Variants in PRR16 observed in about 807,000 individuals in gnomAD.
The protein encoded by PRR16 is protein Largen.
PRR16 carries 6 observed loss-of-function variants against 18.2 expected under a neutral mutation model. That is an observed-to-expected ratio of 0.33 (90% CI 0.18 to 0.65). The LOEUF is 0.65. PRR16 is among the 30% of genes least tolerant of loss of function. The pLI is 0.74. For synonymous variants in PRR16, 151 were observed against 147.8 expected (o/e 1.02, Z -0.16); for missense variants, 412 against 376.6 (o/e 1.09, Z -0.78).
At chr5:120,709,824 T>C in the PRR16 span, among the ~76,000 whole-genome samples, 1 of 152,238 alleles carries the variant, frequency 6.6e-6, no homozygotes, top group African/African-American at 2.4e-5. Context: ...TTTCATTTTT[T>C]ATTGCTCAAT....
the PRR16 span, among the ~76,000 whole-genome samples, chr5:120,738,861 G>T: frequency 5.3e-5 from 8 of 152,128 alleles, no homozygotes; most frequent in African/African-American, 1.9e-4. Flanking sequence ...CACCTAATGA[G>T]ACAAACCAAG....
At chr5:120,681,428 A>C (rs1393544203) in intron 1 of PRR16, among the ~76,000 whole-genome samples, 6 of 152,170 alleles carry the variant, frequency 3.9e-5, no homozygotes, top group African/African-American at 1.4e-4. Flanking sequence ...TAAATAGTTT[A>C]ATTCTGATTG....
chr5:120,755,204 A>T, the PRR16 span, among the ~76,000 whole-genome samples: 15 of 150,792 alleles, frequency 9.9e-5, no homozygotes, highest in East Asian at 3.9e-4. Context: ...AATAAAATTT[A>T]AAAAAAATCT....
chr5:120,598,754 C>T (rs889648897), intron 1 of PRR16, among the ~76,000 whole-genome samples: 1 of 151,942 alleles, frequency 6.6e-6, no homozygotes, highest in South Asian at 2.1e-4. Context: ...CTGCAAAAGA[C>T]ATGATTTCAA....
chr5:120,712,825 AGT>A, the PRR16 span, among the ~76,000 whole-genome samples: 1 of 152,052 alleles, frequency 6.6e-6, no homozygotes, highest in Non-Finnish European at 1.5e-5. Context: ...ATTGATAATA[AGT>A]GTTGGCAAGA....
intron 1 of PRR16, among the ~76,000 whole-genome samples, chr5:120,541,652 A>G (rs1037453523): frequency 1.3e-5 from 2 of 152,222 alleles, no homozygotes; most frequent in Non-Finnish European, 2.9e-5. Context: ...ATTTAAAAAT[A>G]TATCTGTTTC....
At chr5:120,698,666 T>C in the PRR16 span, among the ~76,000 whole-genome samples, 1 of 152,060 alleles carries the variant, frequency 6.6e-6, no homozygotes, top group African/African-American at 2.4e-5. Flanking sequence ...GGAGCGTCTA[T>C]ACAGGAACTT....
At chr5:120,606,018 A>G (rs1171373601) in intron 1 of PRR16, among the ~76,000 whole-genome samples, 1 of 151,938 alleles carries the variant, frequency 6.6e-6, no homozygotes, top group East Asian at 1.9e-4. Flanking sequence ...GGCAGGGGGG[A>G]TGCAGGTGAG....
intron 1 of PRR16, among the ~76,000 whole-genome samples, chr5:120,514,013 C>A (rs939844534): frequency 1.3e-5 from 2 of 152,128 alleles, no homozygotes; most frequent in African/African-American, 4.8e-5. Context: ...CCACCTCGGC[C>A]TCCCAAAGTG....
chr5:120,748,859 C>T, the PRR16 span, among the ~76,000 whole-genome samples: 15,748 of 151,968 alleles, frequency 0.1, 1,031 homozygotes, highest in African/African-American at 0.18. Context: ...AATCTAGAAA[C>T]GTCAGAATGA....
At chr5:120,581,830 G>A (rs1753281935) in intron 1 of PRR16, among the ~76,000 whole-genome samples, 1 of 152,110 alleles carries the variant, frequency 6.6e-6, no homozygotes, top group African/African-American at 2.4e-5. Flanking sequence ...GTGGTTTTGA[G>A]TGGGTTTCTT....
intron 1 of PRR16, among the ~76,000 whole-genome samples, chr5:120,671,294 C>A (rs984153130): frequency 6.6e-6 from 1 of 151,706 alleles, no homozygotes; most frequent in Admixed American, 6.6e-5. Context: ...TTTTTTCTTT[C>A]TTTTAAAAAA....
At chr5:120,651,676 C>T (rs1755795305) in intron 1 of PRR16, among the ~76,000 whole-genome samples, 1 of 152,042 alleles carries the variant, frequency 6.6e-6, no homozygotes, top group South Asian at 2.1e-4. Flanking sequence ...CTGTTCTGTT[C>T]CATTGGTCTA....
chr5:120,657,416 G>T (rs1330721677), intron 1 of PRR16, among the ~76,000 whole-genome samples: 4 of 151,940 alleles, frequency 2.6e-5, no homozygotes, highest in African/African-American at 9.7e-5. Context: ...TCCATGTTCA[G>T]TGACCTCATG....
chr5:120,704,117 G>T, the PRR16 span, among the ~76,000 whole-genome samples: 3 of 152,250 alleles, frequency 2.0e-5, no homozygotes, highest in East Asian at 3.9e-4. Context: ...GAGAACACAG[G>T]CTCCTTTCAA....
chr5:120,528,161 C>T (rs1319328058), intron 1 of PRR16, among the ~76,000 whole-genome samples: 19 of 152,114 alleles, frequency 1.2e-4, no homozygotes, highest in Admixed American at 1.2e-3. Context: ...GATGCTGTGG[C>T]ACATTCTAAA....
At chr5:120,652,302 G>A (rs948305372) in intron 1 of PRR16, among the ~76,000 whole-genome samples, 1 of 152,014 alleles carries the variant, frequency 6.6e-6, no homozygotes, top group Non-Finnish European at 1.5e-5. Context: ...TTTGTTTCCT[G>A]TAGGTTTCTG....
At chr5:120,749,975 A>G in the PRR16 span, among the ~76,000 whole-genome samples, 121 of 152,304 alleles carry the variant, frequency 7.9e-4, no homozygotes, top group African/African-American at 2.7e-3. Flanking sequence ...CCTTACCCCC[A>G]TGGTATAATG....
the PRR16 span, among the ~76,000 whole-genome samples, chr5:120,783,177 TAG>T: frequency 6.6e-6 from 1 of 152,194 alleles, no homozygotes; most frequent in African/African-American, 2.4e-5. Context: ...GAACCAATGA[TAG>T]AATTAGTAAT....
Sources: allele counts gnomAD v4.1 joint callset (sites outside exome capture counted in the v4.1 genomes callset), GRCh38; gene constraint gnomAD v4.1.1; transcripts MANE v1.5; gene names NCBI Gene and HGNC (gene_info 2026-07-23, HGNC 2026-07-21).